Variants in FAR2 observed in about 807,000 individuals in gnomAD.
The protein encoded by FAR2 is epididymis secretory protein Li 81.
In FAR2, 19 loss-of-function variants were observed where a neutral mutation model predicts 56.0. The observed-to-expected ratio is 0.34, with a 90% confidence interval of 0.24 to 0.50. The LOEUF is 0.50. FAR2 is among the 20% of genes least tolerant of loss of function. The pLI, the probability that FAR2 is intolerant of heterozygous loss-of-function variation, is 0.98. For synonymous variants in FAR2, 219 were observed against 218.8 expected (o/e 1.00, Z -0.01); for missense variants, 508 against 642.2 (o/e 0.79, Z 2.26).
In FAR2 at chr12:29,334,914, A is replaced by C. The variant is rs1047652991; in HGVS notation, c.*1120A>C. On this transcript the variant is annotated 3_prime_UTR_variant, in exon 12 of 12. Transcript: ENST00000536681. ...TCTTAAAAAATTTTGTGTATAATACAAACTAATGAAAACTATACATATTCT... is the reference window on the plus strand; with the variant it reads ...TCTTAAAAAATTTTGTGTATAATACCAACTAATGAAAACTATACATATTCT... 6.6e-6 allele frequency: 1 copy of C among 152,192 alleles called. No homozygotes were observed. The highest frequency in any genetic ancestry group is 2.1e-4 in the South Asian group (1 of 4,832). The allele number at this position is 152,192 out of a possible 1,614,324, so 9.4% of individuals were successfully genotyped here. A position where few individuals can be genotyped will look rare whatever the true frequency, so the allele number is the denominator to read the frequency against.
intron 1 of FAR2, among the ~76,000 whole-genome samples, chr12:29,149,999 C>A (rs999016762): frequency 7.9e-5 from 12 of 152,158 alleles, no homozygotes; most frequent in African/African-American, 2.9e-4. Flanking sequence ...TCGCCGGGGT[C>A]GTGGCTGACG....
chr12:29,219,822 G>T, intron 1 of FAR2, among the ~76,000 whole-genome samples: 1 of 151,988 alleles, frequency 6.6e-6, no homozygotes, highest in East Asian at 1.9e-4. Flanking sequence ...TAAAAGCTAT[G>T]TTTTTTTAAG....
chr12:29,289,873 G>A (rs1043431242), intron 2 of FAR2, among the ~76,000 whole-genome samples: 1 of 152,126 alleles, frequency 6.6e-6, no homozygotes, highest in Non-Finnish European at 1.5e-5. Context: ...ATCAAAAAAT[G>A]AGCAAAATAT....
chr12:29,152,826 A>C (rs564776165), intron 1 of FAR2, among the ~76,000 whole-genome samples: 18 of 152,378 alleles, frequency 1.2e-4, no homozygotes, highest in African/African-American at 4.3e-4. Flanking sequence ...GAAGAGAATA[A>C]AATAAGCTGA....
At chr12:29,215,583 T>C (rs1947612752) in intron 1 of FAR2, among the ~76,000 whole-genome samples, 1 of 152,196 alleles carries the variant, frequency 6.6e-6, no homozygotes, top group South Asian at 2.1e-4. Flanking sequence ...AAATCTGTTA[T>C]CAATATGCAC....
At chr12:29,236,860 CA>C (rs1169639435) in intron 1 of FAR2, among the ~76,000 whole-genome samples, 40 of 151,608 alleles carry the variant, frequency 2.6e-4, no homozygotes, top group Non-Finnish European at 1.5e-5. Flanking sequence ...AAAACCAGAG[CA>C]ACAGAGCATC....
intron 2 of FAR2, among the ~76,000 whole-genome samples, chr12:29,278,738 GA>G (rs1215670718): frequency 6.6e-6 from 1 of 152,128 alleles, no homozygotes; most frequent in Non-Finnish European, 1.5e-5. Context: ...AGATGAGACT[GA>G]TTGCTTACAG....
intron 1 of FAR2, among the ~76,000 whole-genome samples, chr12:29,228,830 C>T (rs535603850): frequency 2.6e-5 from 4 of 152,314 alleles, no homozygotes; most frequent in Admixed American, 6.5e-5. Context: ...TCAAGTGATC[C>T]GCTGGCCTTG....
intron 4 of FAR2, among the ~76,000 whole-genome samples, chr12:29,303,818 C>T (rs1411910384): frequency 6.6e-6 from 1 of 152,206 alleles, no homozygotes; most frequent in Non-Finnish European, 1.5e-5. Flanking sequence ...AATGAGAATT[C>T]TGTGTACTTT....
At chr12:29,330,215 C>G (rs1027055213) in intron 10 of FAR2, among the ~76,000 whole-genome samples, 1 of 152,042 alleles carries the variant, frequency 6.6e-6, no homozygotes, top group Non-Finnish European at 1.5e-5. Context: ...TGCCACGACG[C>G]CTGGCTAATT....
At chr12:29,153,236 A>T (rs1203654905) in intron 1 of FAR2, among the ~76,000 whole-genome samples, 1 of 152,222 alleles carries the variant, frequency 6.6e-6, no homozygotes, top group Non-Finnish European at 1.5e-5. Flanking sequence ...GTAAGAAAAA[A>T]ATCAGGGGCA....
intron 1 of FAR2, among the ~76,000 whole-genome samples, chr12:29,198,431 G>A (rs149204484): frequency 0.014 from 2,066 of 152,106 alleles, 42 homozygotes; most frequent in African/African-American, 0.048. Flanking sequence ...GTTTCACCAC[G>A]TTGGCCAGGA....
At chr12:29,162,768 A>G (rs1949793689) in intron 1 of FAR2, among the ~76,000 whole-genome samples, 7 of 152,190 alleles carry the variant, frequency 4.6e-5, no homozygotes, top group Admixed American at 4.6e-4. Context: ...TTATACTCAC[A>G]CATTTACTGT....
chr12:29,194,760 G>A (rs1950131739), intron 1 of FAR2, among the ~76,000 whole-genome samples: 3 of 152,130 alleles, frequency 2.0e-5, no homozygotes. Flanking sequence ...GGTTACAGAA[G>A]AGGAGCACCT....
chr12:29,237,910 G>A (rs1008128141), intron 1 of FAR2, among the ~76,000 whole-genome samples: 1 of 152,166 alleles, frequency 6.6e-6, no homozygotes, highest in Non-Finnish European at 1.5e-5. Context: ...GATGAGATGT[G>A]TCAATATTCG....
intron 3 of FAR2, 85 bp from the exon 4 acceptor site, chr12:29,296,936 T>G (rs1191284527): frequency 1.6e-6 from 2 of 1,279,522 alleles, no homozygotes; most frequent in African/African-American, 3.0e-5. Flanking sequence ...CTGATAGGTA[T>G]GCCAGTTATT....
At chr12:29,175,281 G>A (rs758336368) in intron 1 of FAR2, among the ~76,000 whole-genome samples, 7 of 152,180 alleles carry the variant, frequency 4.6e-5, no homozygotes, top group African/African-American at 1.7e-4. Context: ...GAATGAAGCC[G>A]CGGACCTTCG....
intron 2 of FAR2, among the ~76,000 whole-genome samples, chr12:29,276,927 G>A (rs1044796800): frequency 3.3e-5 from 5 of 151,100 alleles, no homozygotes; most frequent in African/African-American, 1.2e-4. Context: ...CTGGGCAACA[G>A]AGTGAAACTC....
intron 1 of FAR2, among the ~76,000 whole-genome samples, chr12:29,225,517 C>T (rs900515978): frequency 1.7e-4 from 26 of 152,234 alleles, no homozygotes; most frequent in Admixed American, 9.8e-4. Flanking sequence ...TTACATAATG[C>T]TCTAAAAAAT....
Sources: allele counts gnomAD v4.1 joint callset (sites outside exome capture counted in the v4.1 genomes callset), GRCh38; gene constraint gnomAD v4.1.1; transcripts MANE v1.5; gene names NCBI Gene and HGNC (gene_info 2026-07-23, HGNC 2026-07-21).